Variants in PARD3 observed in about 807,000 individuals in gnomAD.
The protein encoded by PARD3 is partitioning defective 3 homolog.
A neutral mutation model predicts 155.4 loss-of-function variants in PARD3; 75 were observed. The observed-to-expected ratio is 0.48, with a 90% CI of 0.40 to 0.58. PARD3 has a LOEUF of 0.58. Among genes scored for constraint, PARD3 ranks in the 20% least tolerant of loss-of-function variants. The probability of loss-of-function intolerance (pLI) is 0.00; values close to 1 mark genes in which losing one functional copy is unlikely to be tolerated. For missense variants in PARD3, 1,642 were observed against 1,721.7 expected (o/e 0.95, Z 0.82); for synonymous variants, 576 against 610.5 (o/e 0.94, Z 0.83).
chr10:34,504,361 G>C (rs2133463155), intron 3 of PARD3, among the ~76,000 whole-genome samples: 1 of 150,946 alleles, frequency 6.6e-6, no homozygotes, highest in South Asian at 2.1e-4. Context: ...GGCCTCAAGT[G>C]GTCCTCCCAC....
intron 5 of PARD3, among the ~76,000 whole-genome samples, chr10:34,421,653 T>C (rs1195800918): frequency 3.3e-5 from 5 of 152,162 alleles, no homozygotes; most frequent in Non-Finnish European, 5.9e-5. Flanking sequence ...CCACCCTGAA[T>C]CATTCACTTA....
chr10:34,351,997 T>C (rs1236691377), intron 14 of PARD3, among the ~76,000 whole-genome samples: 1 of 152,140 alleles, frequency 6.6e-6, no homozygotes, highest in Non-Finnish European at 1.5e-5. Flanking sequence ...AGAGAAAAAA[T>C]TCATTTTAAA....
At chr10:34,119,359 G>A (rs984188632) in intron 24 of PARD3, among the ~76,000 whole-genome samples, 2 of 152,182 alleles carry the variant, frequency 1.3e-5, no homozygotes, top group Non-Finnish European at 2.9e-5. Context: ...GCCAGTACAC[G>A]AGTCGCTTCA....
intron 1 of PARD3, among the ~76,000 whole-genome samples, chr10:34,786,577 T>A (rs1002597868): frequency 6.6e-6 from 1 of 152,164 alleles, no homozygotes; most frequent in Non-Finnish European, 1.5e-5. Context: ...GAATGGCAAA[T>A]GCAAGTAACC....
chr10:34,810,738 G>A (rs1241298990), intron 1 of PARD3, among the ~76,000 whole-genome samples: 2 of 152,180 alleles, frequency 1.3e-5, no homozygotes, highest in African/African-American at 4.8e-5. Flanking sequence ...AAAACATATT[G>A]GTGATTCCAT....
At chr10:34,283,999 C>A in intron 21 of PARD3, 136 bp downstream of exon 21, 2 of 607,600 alleles carry the variant, frequency 3.3e-6, no homozygotes, top group South Asian at 2.0e-5. Flanking sequence ...CACCCACAAC[C>A]ATCAATATTT....
At chr10:34,314,865 T>A (rs979737090) in intron 20 of PARD3, among the ~76,000 whole-genome samples, 1 of 152,234 alleles carries the variant, frequency 6.6e-6, no homozygotes, top group African/African-American at 2.4e-5. Context: ...TTTTTAATAA[T>A]GGCTGTGTTT....
intron 2 of PARD3, among the ~76,000 whole-genome samples, chr10:34,522,564 T>C (rs1306515749): frequency 1.3e-5 from 2 of 152,186 alleles, no homozygotes; most frequent in Non-Finnish European, 2.9e-5. Flanking sequence ...CGTTCTACTT[T>C]TGTAAATATG....
intron 1 of PARD3, among the ~76,000 whole-genome samples, chr10:34,722,058 G>A (rs181723075): frequency 5.9e-5 from 9 of 152,016 alleles, no homozygotes; most frequent in South Asian, 4.2e-4. Flanking sequence ...CAGGCATGGC[G>A]CCACGTGCCT....
At chr10:34,146,826 G>A (rs575470995) in intron 22 of PARD3, among the ~76,000 whole-genome samples, 24 of 152,104 alleles carry the variant, frequency 1.6e-4, no homozygotes, top group South Asian at 2.1e-4. Context: ...CTATGGAAGC[G>A]CATGCCTCAA....
intron 22 of PARD3, among the ~76,000 whole-genome samples, chr10:34,151,416 GTTTT>G (rs60968002): frequency 6.6e-6 from 1 of 151,178 alleles, no homozygotes; most frequent in Admixed American, 6.6e-5. Flanking sequence ...GAGAAGAGAG[GTTTT>G]TTTTTAAATT....
At chr10:34,291,483 T>A (rs1161670628) in intron 20 of PARD3, among the ~76,000 whole-genome samples, 1 of 152,230 alleles carries the variant, frequency 6.6e-6, no homozygotes, top group Non-Finnish European at 1.5e-5. Context: ...TAGCTAGAAT[T>A]TATTGAATTC....
intron 1 of PARD3, among the ~76,000 whole-genome samples, chr10:34,795,487 G>A (rs1340841615): frequency 6.6e-6 from 1 of 152,046 alleles, no homozygotes; most frequent in African/African-American, 2.4e-5. Flanking sequence ...GCACGCATCT[G>A]TAGTCCCTGC....
In PARD3 at chr10:34,119,597, C is replaced by T. The variant is rs1298535980; in HGVS notation, c.3668+16G>A. The T allele has an allele frequency of 1.9e-6, 3 of 1,584,726 alleles. No individual in the cohort carries two copies. Among genetic ancestry groups the T allele is most frequent in the East Asian group, 2.3e-5 (1 of 44,004 alleles). ...GGGCCGGGGGGATCTGGAGGCTCGGCCAAGCGTCCTCATACCGAGGCAGAG... is the reference window on the plus strand; with the variant it reads ...GGGCCGGGGGGATCTGGAGGCTCGGTCAAGCGTCCTCATACCGAGGCAGAG... On this transcript the variant is annotated intron_variant, in intron 24 of 24. Coordinates refer to ENST00000374788, the MANE Select transcript of PARD3 (RefSeq NM_001184785.2).
At chr10:34,115,774 G>A (rs1471176449) in intron 24 of PARD3, among the ~76,000 whole-genome samples, 3 of 150,200 alleles carry the variant, frequency 2.0e-5, no homozygotes, top group African/African-American at 4.9e-5. Flanking sequence ...GTGCAGTGGC[G>A]CGATCTCGGC....
At chr10:34,348,336 T>G (rs541486683) in intron 14 of PARD3, among the ~76,000 whole-genome samples, 40 of 152,358 alleles carry the variant, frequency 2.6e-4, no homozygotes, top group Non-Finnish European at 4.6e-4. Flanking sequence ...TTCTGTCAGA[T>G]TTCAACCGCT....
At chr10:34,721,805 G>T (rs2094610618) in intron 1 of PARD3, among the ~76,000 whole-genome samples, 1 of 152,212 alleles carries the variant, frequency 6.6e-6, no homozygotes, top group South Asian at 2.1e-4. Context: ...ATATTTTGGG[G>T]TTACACCAAT....
intron 7 of PARD3, among the ~76,000 whole-genome samples, chr10:34,389,414 C>A (rs982013340): frequency 1.8e-4 from 27 of 152,112 alleles, no homozygotes; most frequent in African/African-American, 6.5e-4. Context: ...CCTAATTATA[C>A]ACTTAATTAA....
At chr10:34,179,449 G>T in intron 22 of PARD3, among the ~76,000 whole-genome samples, 1 of 152,168 alleles carries the variant, frequency 6.6e-6, no homozygotes, top group East Asian at 1.9e-4. Context: ...TGGAGGAAAA[G>T]CACAGCTTCA....
Sources: gnomAD v4.1 joint callset for allele counts (sites outside exome capture counted in the v4.1 genomes callset) on GRCh38, gnomAD v4.1.1 for gene constraint, MANE v1.5 for transcripts, NCBI Gene and HGNC (gene_info 2026-07-23, HGNC 2026-07-21) for gene names.